Variants in ROBO1 observed in about 807,000 individuals in gnomAD.
ROBO1 encodes the protein roundabout homolog 1.
A neutral mutation model predicts 195.9 loss-of-function variants in ROBO1; 149 were observed. The observed-to-expected ratio is 0.76, with a 90% CI of 0.67 to 0.87. The LOEUF (loss-of-function observed/expected upper bound fraction) is 0.87, where lower values mean the gene tolerates loss of function less well. Among genes scored for constraint, ROBO1 ranks in the 40% least tolerant of loss-of-function variants. The pLI is 0.00. For missense variants in ROBO1, 1,933 were observed against 2,068.3 expected, an observed-to-expected ratio of 0.93 and a Z score of 1.27; for synonymous variants, 816 against 733.2, an observed-to-expected ratio of 1.11 and a Z score of -1.82.
At chr3:79,631,868 T>A (rs527960659) in intron 1 of ROBO1, among the ~76,000 whole-genome samples, 1 of 151,906 alleles carries the variant, frequency 6.6e-6, no homozygotes, top group Non-Finnish European at 1.5e-5. Flanking sequence ...AAAATACATA[T>A]GAAAAAATGC....
At chr3:78,954,721 GCACTT>G (rs1371664429) in intron 3 of ROBO1, among the ~76,000 whole-genome samples, 1 of 146,628 alleles carries the variant, frequency 6.8e-6, no homozygotes, top group Non-Finnish European at 1.5e-5. Context: ...ATGTGAATCT[GCACTT>G]CATTTCTTTA....
chr3:78,833,106 G>T (rs975958558), intron 4 of ROBO1, among the ~76,000 whole-genome samples: 1 of 151,988 alleles, frequency 6.6e-6, no homozygotes, highest in Non-Finnish European at 1.5e-5. Flanking sequence ...GATAGATCAC[G>T]GTGGCCACTC....
chr3:78,705,839 T>C (rs991637656), intron 8 of ROBO1, among the ~76,000 whole-genome samples: 9 of 152,148 alleles, frequency 5.9e-5, no homozygotes, highest in Non-Finnish European at 1.2e-4. Flanking sequence ...GCTCTTAGAC[T>C]GAATTAAACC....
At chr3:79,344,357 C>T (rs943846073) in intron 2 of ROBO1, among the ~76,000 whole-genome samples, 8 of 152,096 alleles carry the variant, frequency 5.3e-5, no homozygotes, top group Admixed American at 4.6e-4. Context: ...AAGTGATATG[C>T]TAACAGTCCT....
Position 78,688,653 on chromosome 3 carries a change from T to C in ROBO1, c.1165A>G (p.Ser389Gly). 4.4e-6 allele frequency: 7 copies of C among 1,594,482 alleles called. No homozygotes were observed. The highest frequency in any genetic ancestry group is 6.0e-6 in the Non-Finnish European group (7 of 1,171,264). The change falls in exon 9 of 31, where the codon AGT (serine) becomes GGT (glycine). Residue 389 changes from serine to glycine, a missense_variant. Ser to Gly is a moderately conservative substitution (Grantham distance 56). Coordinates refer to ENST00000464233, the MANE Select transcript of ROBO1 (RefSeq NM_002941.4). Reference sequence around the variant, plus strand: ...AAGTTAGAAAAAGGTGGTACCTGACTCCCTTCTCTCCTCCAGAAAATAGCT... The same window carrying C: ...AAGTTAGAAAAAGGTGGTACCTGACCCCCTTCTCTCCTCCAGAAAATAGCT... The part of the protein sequence containing the change: ...QPAIFWRREG[S>G]QNLLFSYQPP...
At chr3:79,622,535 C>G (rs781547703) in intron 1 of ROBO1, among the ~76,000 whole-genome samples, 1 of 152,196 alleles carries the variant, frequency 6.6e-6, no homozygotes, top group East Asian at 1.9e-4. Context: ...CAAGACTTGT[C>G]CCCCAACAGC....
intron 2 of ROBO1, among the ~76,000 whole-genome samples, chr3:79,492,427 G>GAAAAAAAAAAA (rs57495210): frequency 1.8e-5 from 2 of 109,544 alleles, no homozygotes; most frequent in Non-Finnish European, 3.6e-5. Flanking sequence ...CTCTGTTTCA[G>GAAAAAAAAAAA]AAAAAAAAAA....
intron 3 of ROBO1, among the ~76,000 whole-genome samples, chr3:78,966,448 A>G (rs761664583): frequency 1.3e-5 from 2 of 152,196 alleles, no homozygotes; most frequent in Non-Finnish European, 2.9e-5. Context: ...CGGGACTGCT[A>G]ATAATTCAGA....
At chr3:79,586,619 T>G (rs565014853) in intron 2 of ROBO1, among the ~76,000 whole-genome samples, 2 of 152,044 alleles carry the variant, frequency 1.3e-5, no homozygotes, top group South Asian at 4.1e-4. Context: ...TCATTTAAAA[T>G]ATTGCAATAT....
chr3:79,129,288 A>G (rs930463838), intron 2 of ROBO1, among the ~76,000 whole-genome samples: 3 of 152,134 alleles, frequency 2.0e-5, no homozygotes, highest in African/African-American at 7.2e-5. Context: ...AATCTGATCT[A>G]TAGGCTTATG....
At chr3:79,689,927 A>C (rs1183941891) in intron 1 of ROBO1, among the ~76,000 whole-genome samples, 1 of 152,030 alleles carries the variant, frequency 6.6e-6, no homozygotes, top group Non-Finnish European at 1.5e-5. Context: ...ATAAGTTAAA[A>C]GTAGTTCTTA....
intron 3 of ROBO1, among the ~76,000 whole-genome samples, chr3:78,997,166 A>C (rs2077387116): frequency 6.6e-6 from 1 of 152,170 alleles, no homozygotes; most frequent in African/African-American, 2.4e-5. Context: ...ACAAACCCAG[A>C]TAGAGTTTTC....
At chr3:79,107,565 C>T (rs2079807873) in intron 3 of ROBO1, among the ~76,000 whole-genome samples, 1 of 151,662 alleles carries the variant, frequency 6.6e-6, no homozygotes, top group Non-Finnish European at 1.5e-5. Flanking sequence ...GTAGAATTTG[C>T]TCGCTGTGAT....
At chr3:79,694,592 T>C (rs1947388001) in intron 1 of ROBO1, among the ~76,000 whole-genome samples, 1 of 151,794 alleles carries the variant, frequency 6.6e-6, no homozygotes, top group Non-Finnish European at 1.5e-5. Context: ...GGGAGGTTAA[T>C]TTTAAATGTT....
At chr3:78,610,131 T>C (rs1703723116) in intron 28 of ROBO1, among the ~76,000 whole-genome samples, 2 of 152,272 alleles carry the variant, frequency 1.3e-5, no homozygotes, top group African/African-American at 4.8e-5. Context: ...GCCAAAATGG[T>C]AGCCAATTAT....
chr3:78,862,125 T>G (rs1172872979), intron 4 of ROBO1, among the ~76,000 whole-genome samples: 2 of 152,158 alleles, frequency 1.3e-5, no homozygotes, highest in African/African-American at 4.8e-5. Flanking sequence ...ACAGGAGCTC[T>G]TAAAAGCAGA....
At chr3:79,563,232 A>G (rs893671975) in intron 2 of ROBO1, among the ~76,000 whole-genome samples, 4 of 152,060 alleles carry the variant, frequency 2.6e-5, no homozygotes, top group African/African-American at 4.8e-5. Context: ...GAAAAGTATG[A>G]TAGATTACAT....
At chr3:79,123,605 A>C (rs940473503) in intron 3 of ROBO1, among the ~76,000 whole-genome samples, 2 of 151,978 alleles carry the variant, frequency 1.3e-5, no homozygotes, top group Non-Finnish European at 2.9e-5. Context: ...AATTTTCCAA[A>C]ACAAAATATA....
chr3:79,691,756 C>A (rs958068946), intron 1 of ROBO1, among the ~76,000 whole-genome samples: 2 of 151,756 alleles, frequency 1.3e-5, no homozygotes, highest in South Asian at 2.1e-4. Flanking sequence ...TAATTTCTAG[C>A]CAAGAATTCT....
Sources: gnomAD v4.1 joint callset for allele counts (sites outside exome capture counted in the v4.1 genomes callset) on GRCh38, gnomAD v4.1.1 for gene constraint, MANE v1.5 for transcripts, NCBI Gene and HGNC (gene_info 2026-07-23, HGNC 2026-07-21) for gene names.